ABHD16A: variants seen among roughly 807,000 people sequenced by gnomAD.
ABHD16A encodes abhydrolase domain containing 16A, phospholipase.
ABHD16A carries 47 observed loss-of-function variants against 89.8 expected under a neutral mutation model. The ratio of observed to expected loss-of-function variants is 0.52; its 90% CI spans 0.41 to 0.67. ABHD16A has a LOEUF of 0.67. ABHD16A is among the 30% of genes least tolerant of loss of function. The probability of loss-of-function intolerance (pLI) is 0.00; values close to 1 mark genes in which losing one functional copy is unlikely to be tolerated. For synonymous variants in ABHD16A, 251 were observed against 280.4 expected (o/e 0.90, Z 1.05); for missense variants, 580 against 734.6 (o/e 0.79, Z 2.43).
Position 31,693,122 on chromosome 6 carries a change from G to A in ABHD16A, c.531C>T (p.Arg177=). ...SRKESRGGPS[R]RGVALLRPEP... ...CTGGGCGAAGCAGGGCCACACCCCG[G>A]CGGGAAGGGCCCCCTCGAGACTCCT... Residue 177 remains arginine (R), a synonymous_variant, in exon 7 of 20, where the codon CGC becomes CGT. Transcript: ENST00000395952. The surrounding 1 kb of genome is among the most constrained non-coding windows in gnomAD (Gnocchi z 5.0). 3 of 1,613,928 alleles carry A rather than the reference G, an allele frequency of 1.9e-6. No individual in the cohort carries two copies. In the South Asian group the frequency reaches 3.3e-5, roughly 18 times the overall value.
At chr6:31,701,990 T>C (rs919149461) in intron 2 of ABHD16A, 84 bp downstream of exon 2, 16 of 1,507,592 alleles carry the variant, frequency 1.1e-5, no homozygotes, top group Admixed American at 6.7e-5. Context: ...CAGGGCACTG[T>C]TGCTCCCAAG....
chr6:31,689,778 C>A, intron 11 of ABHD16A, 74 bp from the exon 12 acceptor site: 1 of 1,542,518 alleles, frequency 6.5e-7, no homozygotes, highest in Non-Finnish European at 8.7e-7. Context: ...CAACGTGGAC[C>A]CCTCCTGCAG....
At chr6:31,689,889 C>T (rs988533597) in intron 11 of ABHD16A, among the ~76,000 whole-genome samples, 185 bp from the exon 12 acceptor site, 1 of 152,212 alleles carries the variant, frequency 6.6e-6, no homozygotes, top group African/African-American at 2.4e-5. Flanking sequence ...CTCCTCCTCT[C>T]CTGCTAGCCC....
Position 31,690,256 on chromosome 6 carries a change from A to T in ABHD16A, c.908-129T>A. 2.3e-6 allele frequency: 2 copies of T among 878,596 alleles called. No individual in the cohort carries two copies. 54.4% of individuals were successfully genotyped at this position (878,596 alleles called of 1,614,324 possible). A position where few individuals can be genotyped will look rare whatever the true frequency, so the allele number is the denominator to read the frequency against. ...AACTCCAAGCCTTCCCAGAAATAGG[A>T]GATGACACCAGAGGTTCTGAGGCAG... is the stretch of plus-strand genomic sequence containing the variant. On this transcript the variant is annotated intron_variant, in intron 10 of 19. Coordinates refer to ENST00000395952, the MANE Select transcript of ABHD16A (RefSeq NM_021160.3). This position sits in a 1 kb window ranked among gnomAD's most constrained non-coding sequence, Gnocchi z 4.1.
Position 31,691,613 on chromosome 6 carries a change from C to T in ABHD16A, c.809G>A (p.Arg270Gln), listed in dbSNP as rs1803883867. Reference sequence around the variant, plus strand: ...TCCCTGGGGCTCAGCTGTCCCCCGCCGGTCCACAAACATGGTGTCAATCTC... The same window carrying T: ...TCCCTGGGGCTCAGCTGTCCCCCGCTGGTCCACAAACATGGTGTCAATCTC... ...GNEIDTMFVD[R>Q]RGTAEPQGQK... The change falls in exon 9 of 20, where the codon CGG (arginine) becomes CAG (glutamine). Residue 270 changes from arginine (R) to glutamine (Q), a missense_variant. Physicochemically the swap from Arg to Gln is conservative, Grantham distance 43 (BLOSUM62 1). This residue lies in a region of ABHD16A where 415 missense variants were observed against 568.8 expected (regional missense o/e 0.73). Coordinates refer to ENST00000395952, the MANE Select transcript of ABHD16A (RefSeq NM_021160.3). 1.9e-6 allele frequency: 3 copies of T among 1,613,016 alleles called. No homozygotes were observed. Among genetic ancestry groups the T allele is most frequent in the African/African-American group, 1.3e-5 (1 of 75,034 alleles).
At position 31,693,513 on chromosome 6, in the gene ABHD16A, T is replaced by C; in HGVS notation, c.430-81A>G. The C allele has an allele frequency of 7.4e-7, 1 of 1,343,096 alleles. No homozygotes were observed. Among genetic ancestry groups the C allele is most frequent in the Non-Finnish European group, 1.1e-6 (1 of 949,526 alleles). The allele number at this position is 1,343,096 out of a possible 1,614,324, so 83.2% of individuals were successfully genotyped here. On this transcript the variant is annotated intron_variant, in intron 5 of 19. Transcript: ENST00000395952. The surrounding 1 kb of genome is among the most constrained non-coding windows in gnomAD (Gnocchi z 5.0). ...CCCACCCTCAACAACACCTTCGTTA[T>C]CCAGGGGTCTGATCCCCACACATCA... is the stretch of plus-strand genomic sequence containing the variant.
At chr6:31,696,234 G>C (rs1400068778) in intron 5 of ABHD16A, among the ~76,000 whole-genome samples, 1 of 152,030 alleles carries the variant, frequency 6.6e-6, no homozygotes, top group Non-Finnish European at 1.5e-5. Flanking sequence ...AGGAGGCTGA[G>C]GCATGAGCAT....
In ABHD16A at chr6:31,690,357, A is replaced by G. The variant is rs1803751701; in HGVS notation, c.907+182T>C. 1.4e-6 allele frequency: 1 copy of G among 710,018 alleles called. No homozygotes were observed. The highest frequency in any genetic ancestry group is 2.7e-5 in the East Asian group (1 of 37,252). 44.0% of individuals were successfully genotyped at this position (710,018 alleles called of 1,614,324 possible). A position where few individuals can be genotyped will look rare whatever the true frequency, so the allele number is the denominator to read the frequency against. On this transcript the variant is annotated intron_variant, in intron 10 of 19. Coordinates refer to ENST00000395952, the MANE Select transcript of ABHD16A (RefSeq NM_021160.3). The surrounding 1 kb of genome is among the most constrained non-coding windows in gnomAD (Gnocchi z 4.1). ...AGAATGAAAAGCATAATAGCTAGGG[A>G]CACAGGCCAGGGGAGGGATGTAAGG... is the stretch of plus-strand genomic sequence containing the variant.
chr6:31,693,278 G>A lies in ABHD16A; in HGVS notation c.503+81C>T. 2 of 1,591,158 alleles carry A rather than the reference G, an allele frequency of 1.3e-6. No homozygotes were observed. Among genetic ancestry groups the A allele is most frequent in the Non-Finnish European group, 1.7e-6 (2 of 1,162,326 alleles). On this transcript the variant is annotated intron_variant, in intron 6 of 19. Coordinates refer to ENST00000395952, the MANE Select transcript of ABHD16A (RefSeq NM_021160.3). The surrounding 1 kb of genome is among the most constrained non-coding windows in gnomAD (Gnocchi z 5.0). ...AAGGCAGGCACTGTGACCTGAGAGG[G>A]CATGGAGGTGGGAGGGCAGAGCAGA...
intron 5 of ABHD16A, among the ~76,000 whole-genome samples, chr6:31,696,178 A>T (rs1250477838): frequency 6.6e-6 from 1 of 151,680 alleles, no homozygotes; most frequent in Admixed American, 6.6e-5. Flanking sequence ...AAAAAAAAAA[A>T]AAATTAACTG....
chr6:31,691,317 G>A (rs1022078227), intron 9 of ABHD16A: 2 of 451,048 alleles, frequency 4.4e-6, no homozygotes, highest in Non-Finnish European at 4.0e-6. Context: ...ATATATATAT[G>A]AGAATTAAAT....
chr6:31,688,248 C>T lies in ABHD16A; in HGVS notation c.1307+1G>A. ...GAGGGCCGAGATTCCCACGCACTCA[C>T]GTGGTGGTGATGATCTCATCCTTGG... is the stretch of plus-strand genomic sequence containing the variant. On this transcript the variant is annotated splice_donor_variant, in intron 15 of 19. Coordinates refer to ENST00000395952, the MANE Select transcript of ABHD16A (RefSeq NM_021160.3). LOFTEE classifies it high-confidence loss of function. This position sits in a 1 kb window ranked among gnomAD's most constrained non-coding sequence, Gnocchi z 4.9. 6.2e-7 allele frequency: 1 copy of T among 1,613,958 alleles called. No individual in the cohort carries two copies. The highest frequency in any genetic ancestry group is 8.5e-7 in the Non-Finnish European group (1 of 1,179,860).
chr6:31,701,407 A>G, intron 2 of ABHD16A, 67 bp from the exon 3 acceptor site: 1 of 1,370,660 alleles, frequency 7.3e-7, no homozygotes, highest in Non-Finnish European at 1.0e-6. Flanking sequence ...TTCCAGGCAT[A>G]TACTATACAC....
chr6:31,690,826 C>CA lies in ABHD16A; in HGVS notation c.844-225dup, dbSNP rs1240667705. Among the ~76,000 whole-genome samples, 1 of 152,176 alleles carries CA rather than the reference C, an allele frequency of 6.6e-6. No homozygotes were observed. The highest frequency in any genetic ancestry group is 1.5e-5 in the Non-Finnish European group (1 of 68,032). ...AGGCTGACCTGCTCGACCACCCAGCCATGTCTTTTCCTTGGAAGATTACCA... is the reference window on the plus strand; with the variant it reads ...AGGCTGACCTGCTCGACCACCCAGCCAATGTCTTTTCCTTGGAAGATTACCA... On this transcript the variant is annotated intron_variant, in intron 9 of 19. Coordinates refer to ENST00000395952, the MANE Select transcript of ABHD16A (RefSeq NM_021160.3). This position sits in a 1 kb window ranked among gnomAD's most constrained non-coding sequence, Gnocchi z 4.1.
chr6:31,697,183 GATGTGAGC>G, intron 4 of ABHD16A, 150 bp from the exon 5 acceptor site: 1 of 691,180 alleles, frequency 1.4e-6, no homozygotes, highest in South Asian at 1.9e-5. Context: ...CGGAGAAATA[GATGTGAGC>G]CAACCCCCTT....
rs1312530454 is a variant in ABHD16A at position 31,702,149 on chromosome 6, T to A, written c.133-19A>T. 1 of 1,612,878 alleles carries A rather than the reference T, an allele frequency of 6.2e-7. No individual in the cohort carries two copies. The stretch of plus-strand genomic sequence containing the variant: ...ACGTATCCTGCCAAAACAGATGGCC[T>A]CCTTAAGGACCCTGCCCACTGGCAG... On this transcript the variant is annotated intron_variant, in intron 1 of 19. Transcript: ENST00000395952.
chr6:31,689,701 C>G lies in ABHD16A; in HGVS notation c.961G>C (p.Val321Leu). The G allele has an allele frequency of 6.2e-7, 1 of 1,609,240 alleles. No homozygotes were observed. The highest frequency in any genetic ancestry group is 8.5e-7 in the Non-Finnish European group (1 of 1,178,138). ...TTAGCCTCATTCTGCGGGAATGGCA[C>G]CCCCTGCAGGAGAAAGGGCAAAGTC... Reference protein sequence around the residue: ...NHPGFAGSTGVPFPQNEANAM... With the variant: ...NHPGFAGSTGLPFPQNEANAM... The change falls in exon 12 of 20, where the codon GTG becomes CTG. Residue 321 changes from valine to leucine, a missense_variant. This residue lies in a region of ABHD16A where 415 missense variants were observed against 568.8 expected (regional missense o/e 0.73). Coordinates refer to ENST00000395952, the MANE Select transcript of ABHD16A (RefSeq NM_021160.3).
intron 5 of ABHD16A, among the ~76,000 whole-genome samples, chr6:31,694,086 G>A (rs559898220): frequency 5.4e-5 from 8 of 149,406 alleles, no homozygotes; most frequent in South Asian, 2.1e-4. Flanking sequence ...GCAGGGTCTC[G>A]TGCTGTTGCC....
In ABHD16A at chr6:31,688,249, G is replaced by A. The variant is rs763257491; in HGVS notation, c.1307C>T (p.Thr436Met). ...RRTKDEIITT[T>M]VPEDIMSNRG... ...AGGGCCGAGATTCCCACGCACTCAC[G>A]TGGTGGTGATGATCTCATCCTTGGT... Residue 436 changes from threonine (T) to methionine (M), a missense_variant and splice_region_variant, in exon 15 of 20, where the codon ACG (threonine) becomes ATG (methionine). Physicochemically the swap from Thr to Met is moderately conservative, Grantham distance 81 (BLOSUM62 -1). This residue lies in a region of ABHD16A where 415 missense variants were observed against 568.8 expected (regional missense o/e 0.73). Transcript: ENST00000395952. The surrounding 1 kb of genome is among the most constrained non-coding windows in gnomAD (Gnocchi z 4.9). 14 of 1,613,622 alleles carry A rather than the reference G, an allele frequency of 8.7e-6. No homozygotes were observed. Among genetic ancestry groups the A allele is most frequent in the South Asian group, 2.2e-5 (2 of 91,082 alleles).
Sources: gnomAD v4.1 joint callset for allele counts (sites outside exome capture counted in the v4.1 genomes callset) on GRCh38, gnomAD v4.1.1 for gene constraint, gnomAD v4.1.1 regional missense constraint, Gnocchi (gnomAD v3.1) non-coding constraint, MANE v1.5 for transcripts, NCBI Gene and HGNC (gene_info 2026-07-23, HGNC 2026-07-21) for gene names.